The following EYS variants were observed in gnomAD, a reference collection of about 807,000 sequenced individuals.
EYS encodes EGF-like photoreceptor maintenance factor.
A neutral mutation model predicts 282.1 loss-of-function variants in EYS; 250 were observed. The ratio of observed to expected loss-of-function variants is 0.89; its 90% CI spans 0.80 to 0.98. EYS has a LOEUF of 0.98. Among genes scored for constraint, EYS ranks in the 50% least tolerant of loss-of-function variants. EYS has a pLI of 0.00. For missense variants in EYS, 4,016 were observed against 3,709.0 expected, an observed-to-expected ratio of 1.08 and a Z score of -2.15; for synonymous variants, 1,355 against 1,282.9, an observed-to-expected ratio of 1.06 and a Z score of -1.20.
intron 25 of EYS, among the ~76,000 whole-genome samples, chr6:64,592,261 C>A (rs1011507318): frequency 1.3e-5 from 2 of 152,136 alleles, no homozygotes; most frequent in African/African-American, 4.8e-5. Context: ...ATATTCCCAA[C>A]TAAATGACTC....
chr6:64,280,908 G>A (rs917780721), intron 30 of EYS, among the ~76,000 whole-genome samples: 6 of 152,208 alleles, frequency 3.9e-5, no homozygotes, highest in Middle Eastern at 3.4e-3. Flanking sequence ...AGAAAATTAG[G>A]TAACTATGTA....
chr6:64,330,487 C>T (rs1355114187), intron 29 of EYS, among the ~76,000 whole-genome samples: 5 of 152,162 alleles, frequency 3.3e-5, no homozygotes, highest in Non-Finnish European at 7.4e-5. Flanking sequence ...GGCCTTGATC[C>T]AGGTCCCAGC....
intron 31 of EYS, among the ~76,000 whole-genome samples, chr6:64,203,370 C>A (rs956090316): frequency 1.3e-5 from 2 of 152,152 alleles, no homozygotes; most frequent in Non-Finnish European, 2.9e-5. Context: ...ATCTGAGAAT[C>A]AGTGCCTTGG....
intron 12 of EYS, among the ~76,000 whole-genome samples, chr6:65,178,630 C>T (rs1765291611): frequency 6.6e-6 from 1 of 152,010 alleles, no homozygotes; most frequent in African/African-American, 2.4e-5. Context: ...TAACACCCCA[C>T]TGTCAACATT....
intron 14 of EYS, among the ~76,000 whole-genome samples, chr6:64,985,482 T>C (rs1376573446): frequency 6.6e-6 from 1 of 151,582 alleles, no homozygotes; most frequent in Non-Finnish European, 1.5e-5. Context: ...TATTCTAAGC[T>C]GCTCTAGAAG....
chr6:64,983,787 T>A (rs1770760579), intron 14 of EYS, among the ~76,000 whole-genome samples: 1 of 151,330 alleles, frequency 6.6e-6, no homozygotes, highest in African/African-American at 2.4e-5. Context: ...CTCCCTGTTT[T>A]AAACATGGTG....
At chr6:65,152,320 C>G (rs900444410) in intron 12 of EYS, among the ~76,000 whole-genome samples, 1 of 151,942 alleles carries the variant, frequency 6.6e-6, no homozygotes, top group Non-Finnish European at 1.5e-5. Flanking sequence ...GTCCACCACC[C>G]TAAAGATCCC....
Position 65,180,663 on chromosome 6 carries a change from A to C in EYS, c.2023+115200T>G, listed in dbSNP as rs545201687. Among the ~76,000 whole-genome samples the C allele has an allele frequency of 2.6e-3, 392 of 152,314 alleles. 1 individual carries two copies. The highest frequency in any genetic ancestry group is 8.7e-3 in the African/African-American group (362 of 41,582). ...AATTTATAGATACAATGCCATCCCC[A>C]TCAAGCTACCAATGACTTTCTTCAC... On this transcript the variant is annotated intron_variant, in intron 12 of 42. Coordinates refer to ENST00000503581, the MANE Select transcript of EYS (RefSeq NM_001142800.2).
chr6:64,531,602 T>TATTTTATTTTATTTTATTTTATTTTA (rs1562044675), intron 26 of EYS, among the ~76,000 whole-genome samples: 1 of 144,116 alleles, frequency 6.9e-6, no homozygotes, highest in Non-Finnish European at 1.5e-5. Context: ...TATTTTATTT[T>TATTTTATTTTATTTTATTTTATTTTA]TTGTATTTTT....
At chr6:65,002,746 G>A (rs1276196685) in intron 13 of EYS, among the ~76,000 whole-genome samples, 1 of 147,828 alleles carries the variant, frequency 6.8e-6, no homozygotes, top group Non-Finnish European at 1.5e-5. Context: ...ACCGGCTGAA[G>A]CCATGGCAGA....
At chr6:63,839,167 A>G (rs1771884646) in intron 36 of EYS, among the ~76,000 whole-genome samples, 1 of 152,168 alleles carries the variant, frequency 6.6e-6, no homozygotes, top group South Asian at 2.1e-4. Context: ...TTTCTCTGCT[A>G]TCTAACTTTT....
At chr6:64,243,402 C>T (rs1398636548) in intron 30 of EYS, among the ~76,000 whole-genome samples, 1 of 152,196 alleles carries the variant, frequency 6.6e-6, no homozygotes, top group Non-Finnish European at 1.5e-5. Flanking sequence ...AGGAGGATTT[C>T]TGCTCTGTAT....
At position 63,937,345 on chromosome 6, in the gene EYS, C is replaced by CTTTTTT. The variant is rs778809745; in HGVS notation, c.7055+47032_7055+47037dup. 2.1e-3 allele frequency among the ~76,000 whole-genome samples: 115 copies of CTTTTTT among 54,352 alleles called. 7 individuals are homozygous for CTTTTTT. The highest frequency in any genetic ancestry group is 3.2e-3 in the Non-Finnish European group (92 of 28,330). 35.7% of individuals were successfully genotyped at this position (54,352 alleles called of 152,430 possible). A position where few individuals can be genotyped will look rare whatever the true frequency, so the allele number is the denominator to read the frequency against. Reference sequence around the variant, plus strand: ...CAAATTTTCTAGGCTTCTCTCTTTTCTTTTTTTTTTTTTTTTTTTTTTTTT... The same window carrying CTTTTTT: ...CAAATTTTCTAGGCTTCTCTCTTTTCTTTTTTTTTTTTTTTTTTTTTTTTTTTTTTT... On this transcript the variant is annotated intron_variant, in intron 35 of 42. Transcript: ENST00000503581.
chr6:65,638,717 C>T (rs750611398), intron 2 of EYS, among the ~76,000 whole-genome samples: 2 of 152,212 alleles, frequency 1.3e-5, no homozygotes, highest in Non-Finnish European at 2.9e-5. Context: ...GGGTGGACCC[C>T]ACGCTCACTT....
chr6:65,457,215 G>C (rs9345638), intron 5 of EYS, among the ~76,000 whole-genome samples: 28,100 of 151,900 alleles, frequency 0.18, 3,225 homozygotes, highest in Middle Eastern at 0.3. Context: ...ACATCGGCTG[G>C]AGTGCAGAGG....
At chr6:64,103,120 A>G (rs1334658294) in intron 31 of EYS, among the ~76,000 whole-genome samples, 2 of 152,194 alleles carry the variant, frequency 1.3e-5, no homozygotes, top group Non-Finnish European at 2.9e-5. Context: ...TGATAGAACA[A>G]GATGGTTTGA....
At chr6:64,120,720 G>A (rs1039905895) in intron 31 of EYS, among the ~76,000 whole-genome samples, 2 of 152,232 alleles carry the variant, frequency 1.3e-5, no homozygotes, top group African/African-American at 4.8e-5. Flanking sequence ...ACTATTATAG[G>A]TAGTTTTTAA....
chr6:63,893,583 G>T lies in EYS; in HGVS notation c.7056-29225C>A, dbSNP rs1393161610. ...ATGCACCAGGGCCTGTTGGTGGTTG[G>T]GGGGCAAGGGGAGGGATAGCATTAA... On this transcript the variant is annotated intron_variant, in intron 35 of 42. Coordinates refer to ENST00000503581, the MANE Select transcript of EYS (RefSeq NM_001142800.2). Among the ~76,000 whole-genome samples, 4 of 152,164 alleles carry T rather than the reference G, an allele frequency of 2.6e-5. No individual in the cohort carries two copies. The East Asian group carries it at 5.8e-4, about 22-fold the overall frequency.
intron 29 of EYS, among the ~76,000 whole-genome samples, chr6:64,307,739 G>C (rs1769507745): frequency 6.6e-6 from 1 of 151,910 alleles, no homozygotes; most frequent in Admixed American, 6.6e-5. Context: ...ATGAAAAATG[G>C]GTAACTATAT....
Sources: gnomAD v4.1 joint callset for allele counts (sites outside exome capture counted in the v4.1 genomes callset) on GRCh38, gnomAD v4.1.1 for gene constraint, MANE v1.5 for transcripts, NCBI Gene and HGNC (gene_info 2026-07-23, HGNC 2026-07-21) for gene names.